COBLL1: variants seen among roughly 807,000 people sequenced by gnomAD.
COBLL1 encodes cordon-bleu protein-like 1.
Under a neutral mutation model 94.8 loss-of-function variants are expected in COBLL1, and 50 were observed. The ratio of observed to expected loss-of-function variants is 0.53; its 90% CI spans 0.42 to 0.67. COBLL1 has a LOEUF of 0.67. Ranked by LOEUF, COBLL1 falls within the 30% of genes least tolerant of loss-of-function variation. The pLI is 0.00. For synonymous variants in COBLL1, 448 were observed against 473.8 expected (o/e 0.95, Z 0.71); for missense variants, 1,362 against 1,348.7 (o/e 1.01, Z -0.15).
chr2:164,830,507 G>A (rs1484100556), intron 2 of COBLL1, among the ~76,000 whole-genome samples: 3 of 152,162 alleles, frequency 2.0e-5, no homozygotes, highest in South Asian at 4.2e-4. Context: ...ATATATATAC[G>A]AATCTTGAAT....
At chr2:164,743,548 C>A in intron 3 of COBLL1, 139 bp downstream of exon 3, 1 of 676,922 alleles carries the variant, frequency 1.5e-6, no homozygotes. Context: ...TTTTAGCAGT[C>A]TTTTTTTTTA....
intron 2 of COBLL1, among the ~76,000 whole-genome samples, chr2:164,819,718 C>G (rs749627433): frequency 6.6e-5 from 10 of 152,070 alleles, no homozygotes; most frequent in South Asian, 4.1e-4. Flanking sequence ...ATGCCCTTAG[C>G]TTTAAAAGCT....
chr2:164,691,331 T>C (rs1219240542), intron 13 of COBLL1, among the ~76,000 whole-genome samples: 4 of 152,224 alleles, frequency 2.6e-5, no homozygotes, highest in Non-Finnish European at 5.9e-5. Flanking sequence ...TTGAGCTCAA[T>C]GTTTTGCTCA....
At chr2:164,721,631 T>C (rs1574469998) in intron 7 of COBLL1, among the ~76,000 whole-genome samples, 1 of 152,188 alleles carries the variant, frequency 6.6e-6, no homozygotes, top group Non-Finnish European at 1.5e-5. Flanking sequence ...CCCTGGAGAA[T>C]CTGAGTCAGG....
At chr2:164,811,133 T>A (rs409125) in intron 2 of COBLL1, among the ~76,000 whole-genome samples, 99,269 of 151,708 alleles carry the variant, frequency 0.65, 33,271 homozygotes, top group African/African-American at 0.79. Context: ...GAAGAGTCAG[T>A]TCTGAATCTG....
At chr2:164,712,865 A>G (rs115186692) in intron 7 of COBLL1, among the ~76,000 whole-genome samples, 110 of 152,216 alleles carry the variant, frequency 7.2e-4, no homozygotes, top group African/African-American at 2.6e-3. Context: ...ATCCCAAATA[A>G]AAGTCGCCTC....
intron 3 of COBLL1, among the ~76,000 whole-genome samples, chr2:164,742,233 A>C (rs796233015): frequency 6.6e-5 from 10 of 152,244 alleles, no homozygotes; most frequent in African/African-American, 2.2e-4. Context: ...GCAAACAGAG[A>C]ATAAGGCAAT....
intron 2 of COBLL1, chr2:164,773,614 T>C: frequency 2.3e-6 from 1 of 441,010 alleles, no homozygotes; most frequent in Non-Finnish European, 3.8e-6. Context: ...GCAAGGGTAA[T>C]CATAGTTTGA....
intron 2 of COBLL1, among the ~76,000 whole-genome samples, chr2:164,745,808 G>A (rs1270260196): frequency 6.6e-6 from 1 of 152,102 alleles, no homozygotes; most frequent in Non-Finnish European, 1.5e-5. Flanking sequence ...AACCATAAAA[G>A]AAAATGGTAA....
Position 164,694,667 on chromosome 2 carries a change from GC to G in COBLL1, c.2724del (p.Met908IlefsTer12). On this transcript the variant is annotated frameshift_variant, in exon 12 of 14. Coordinates refer to ENST00000652658, the MANE Select transcript of COBLL1 (RefSeq NM_001365672.2). LOFTEE classifies it high-confidence loss of function. ...ELTNKEAERDMLPSPEQTLSP... is the reference protein window; with the variant it reads ...ELTNKEAERDXLPSPEQTLSP... ...GAAAGAGTCTGCTCCGGAGAAGGCA[GC>G]ATATCCCTTTCTGCCTCTTTATTTG... The G allele has an allele frequency of 1.2e-6, 2 of 1,613,788 alleles. No homozygotes were observed. The highest frequency in any genetic ancestry group is 1.7e-6 in the Non-Finnish European group (2 of 1,179,936).
intron 2 of COBLL1, among the ~76,000 whole-genome samples, chr2:164,803,753 A>C (rs956300447): frequency 1.3e-5 from 2 of 152,088 alleles, no homozygotes; most frequent in Admixed American, 1.3e-4. Context: ...CTAATCACAA[A>C]TATGTATTAT....
intron 7 of COBLL1, among the ~76,000 whole-genome samples, chr2:164,716,628 A>T (rs1685184493): frequency 6.6e-6 from 1 of 152,176 alleles, no homozygotes; most frequent in Non-Finnish European, 1.5e-5. Flanking sequence ...TTAGATGCAG[A>T]AATATTCTAA....
At chr2:164,824,468 A>G (rs1208969581) in intron 2 of COBLL1, among the ~76,000 whole-genome samples, 1 of 152,200 alleles carries the variant, frequency 6.6e-6, no homozygotes, top group East Asian at 1.9e-4. Context: ...TGATTTCAAG[A>G]TATTTATTTG....
At chr2:164,809,923 C>CA (rs56204047) in intron 2 of COBLL1, among the ~76,000 whole-genome samples, 1 of 151,308 alleles carries the variant, frequency 6.6e-6, no homozygotes, top group Admixed American at 6.6e-5. Context: ...ACAATTTTAA[C>CA]AAAAAAGCCC....
intron 2 of COBLL1, among the ~76,000 whole-genome samples, chr2:164,767,794 A>G (rs1239777672): frequency 6.6e-6 from 1 of 152,152 alleles, no homozygotes; most frequent in Non-Finnish European, 1.5e-5. Flanking sequence ...TGCTTTTATG[A>G]AAACAGCTCT....
chr2:164,823,768 C>T (rs759062793), intron 2 of COBLL1, among the ~76,000 whole-genome samples: 1 of 152,146 alleles, frequency 6.6e-6, no homozygotes, highest in Non-Finnish European at 1.5e-5. Flanking sequence ...TTTGTGATGG[C>T]TTTTACTGTT....
chr2:164,720,252 G>A (rs534523818), intron 7 of COBLL1, among the ~76,000 whole-genome samples: 1 of 148,242 alleles, frequency 6.7e-6, no homozygotes, highest in African/African-American at 2.6e-5. Context: ...GTATAAAGAT[G>A]TGTAGTTTGC....
chr2:164,795,111 G>C (rs1385445130), intron 2 of COBLL1, among the ~76,000 whole-genome samples: 1 of 152,038 alleles, frequency 6.6e-6, no homozygotes, highest in Non-Finnish European at 1.5e-5. Context: ...AATCAAATAT[G>C]CTTATTTTGA....
chr2:164,775,310 A>G (rs1688413200), intron 2 of COBLL1, among the ~76,000 whole-genome samples: 1 of 152,182 alleles, frequency 6.6e-6, no homozygotes, highest in Non-Finnish European at 1.5e-5. Context: ...ATTGAAGAAC[A>G]GCATTCTTCT....
Sources: gnomAD v4.1 joint callset for allele counts (sites outside exome capture counted in the v4.1 genomes callset) on GRCh38, gnomAD v4.1.1 for gene constraint, MANE v1.5 for transcripts, NCBI Gene and HGNC (gene_info 2026-07-23, HGNC 2026-07-21) for gene names.